ARSG: variants seen among roughly 807,000 people sequenced by gnomAD.
The protein encoded by ARSG is arylsulfatase G.
ARSG carries 37 observed loss-of-function variants against 50.5 expected under a neutral mutation model. That is an observed-to-expected ratio of 0.73 (90% CI 0.56 to 0.96). The LOEUF (loss-of-function observed/expected upper bound fraction) is 0.96. Among genes scored for constraint, ARSG ranks in the 50% least tolerant of loss-of-function variants. The pLI, the probability that ARSG is intolerant of heterozygous loss-of-function variation, is 0.00. For missense variants in ARSG, 629 were observed against 675.3 expected (o/e 0.93, Z 0.76); for synonymous variants, 225 against 254.6 (o/e 0.88, Z 1.11).
At chr17:68,435,583 G>A in the ARSG span, 7 of 1,603,406 alleles carry the variant, frequency 4.4e-6, no homozygotes, top group Non-Finnish European at 6.0e-6. Flanking sequence ...GCCATCCAGC[G>A]AAACCCAGAC....
At chr17:68,268,916 T>TAAAAC (rs200861671) in intron 1 of ARSG, 95 of 1,425,342 alleles carry the variant, frequency 6.7e-5, no homozygotes, top group Middle Eastern at 1.9e-4. Flanking sequence ...AAAAAAAGCT[T>TAAAAC]AAAACAAAAC....
rs1599921881 is a variant in ARSG, at chr17:68,370,628, A to C, written c.982+104A>C. On this transcript the variant is annotated intron_variant, in intron 8 of 11. Transcript: ENST00000621439. Reference sequence around the variant, plus strand: ...GGGGGACAACTTATATCTGGGCCTTAGGGTCATCATTGTGAAACAGGGACA... The same window carrying C: ...GGGGGACAACTTATATCTGGGCCTTCGGGTCATCATTGTGAAACAGGGACA... 3.2e-5 allele frequency: 32 copies of C among 998,250 alleles called. No individual in the cohort carries two copies. The East Asian group carries it at 8.4e-4, about 26-fold the overall frequency. 61.8% of individuals were successfully genotyped at this position (998,250 alleles called of 1,614,324 possible). A position where few individuals can be genotyped will look rare whatever the true frequency, so the allele number is the denominator to read the frequency against.
Position 68,420,318 on chromosome 17 carries a change from T to C in ARSG, c.1433T>C (p.Val478Ala). Residue 478 changes from valine (V) to alanine (A), a missense_variant, in exon 12 of 12, where the codon GTG becomes GCG. Coordinates refer to ENST00000621439, the MANE Select transcript of ARSG (RefSeq NM_001267727.2). Reference sequence around the variant, plus strand: ...AGAGGTGGTGCGGAGTACCAGGCTGTGCTGCCCGAGGTCAGAAAGGTTCTT... The same window carrying C: ...AGAGGTGGTGCGGAGTACCAGGCTGCGCTGCCCGAGGTCAGAAAGGTTCTT... ...LERGGAEYQA[V>A]LPEVRKVLAD... The C allele has an allele frequency of 6.2e-7, 1 of 1,614,150 alleles. No individual in the cohort carries two copies. The highest frequency in any genetic ancestry group is 8.5e-7 in the Non-Finnish European group (1 of 1,180,036).
the ARSG span, among the ~76,000 whole-genome samples, chr17:68,435,942 C>T: frequency 1.3e-5 from 2 of 152,256 alleles, no homozygotes; most frequent in African/African-American, 4.8e-5. Flanking sequence ...GGGAAGGTGG[C>T]CACGAACGGA....
upstream of ARSG, among the ~76,000 whole-genome samples, chr17:68,288,245 C>A (rs1555754850): frequency 6.6e-6 from 1 of 152,062 alleles, no homozygotes; most frequent in African/African-American, 2.4e-5. Flanking sequence ...TGTGATCCGC[C>A]CGCCTCAGCC....
chr17:68,313,635 G>C (rs952832731), intron 2 of ARSG, among the ~76,000 whole-genome samples: 4 of 150,864 alleles, frequency 2.7e-5, no homozygotes. Flanking sequence ...TGAGGGGAAC[G>C]CTGTTCAGTC....
At chr17:68,433,343 G>A in the ARSG span, 39 of 922,844 alleles carry the variant, frequency 4.2e-5, no homozygotes, top group East Asian at 9.9e-4. Context: ...CCATCACTTA[G>A]GTGAAGTCCC....
intron 8 of ARSG, among the ~76,000 whole-genome samples, chr17:68,372,845 G>A (rs985897090): frequency 2.7e-5 from 4 of 149,554 alleles, no homozygotes; most frequent in African/African-American, 4.9e-5. Flanking sequence ...AGCATTGTGC[G>A]CCTCAATTCT....
chr17:68,346,999 CT>C, intron 3 of ARSG, 125 bp from the exon 4 acceptor site: 1 of 1,548,020 alleles, frequency 6.5e-7, no homozygotes, highest in Middle Eastern at 1.7e-4. Context: ...CACATTGCAG[CT>C]TCTTTTGGCT....
the ARSG span, among the ~76,000 whole-genome samples, chr17:68,438,090 A>C: frequency 2.6e-5 from 4 of 152,306 alleles, no homozygotes; most frequent in African/African-American, 9.6e-5. Context: ...AGGAGAGCAA[A>C]GGAAAAAGAA....
intron 5 of ARSG, among the ~76,000 whole-genome samples, chr17:68,352,378 C>T (rs2078839879): frequency 6.6e-6 from 1 of 151,094 alleles, no homozygotes; most frequent in South Asian, 2.1e-4. Context: ...AAGTCATCAA[C>T]GGTAAGATCC....
At chr17:68,331,177 G>GCTTC (rs2077724659) in intron 2 of ARSG, among the ~76,000 whole-genome samples, 1 of 118,930 alleles carries the variant, frequency 8.4e-6, no homozygotes, top group Non-Finnish European at 1.8e-5. Context: ...CAAAGACAGG[G>GCTTC]TTTCTTTCTT....
At chr17:68,371,331 A>AC (rs2079834521) in intron 8 of ARSG, among the ~76,000 whole-genome samples, 4 of 151,740 alleles carry the variant, frequency 2.6e-5, no homozygotes, top group Admixed American at 2.0e-4. Context: ...AAAAAAAAAA[A>AC]AAAAAGAAGG....
At chr17:68,286,001 C>G (rs2075833408) in intron 1 of ARSG, among the ~76,000 whole-genome samples, 1 of 152,140 alleles carries the variant, frequency 6.6e-6, no homozygotes, top group Non-Finnish European at 1.5e-5. Context: ...CCTCGTGATC[C>G]ACCCACCTCG....
chr17:68,311,903 C>A lies in ARSG; in HGVS notation c.218+4192C>A, dbSNP rs1012660233. On this transcript the variant is annotated intron_variant, in intron 2 of 11. Transcript: ENST00000621439. ...GCAACCTCCACCTCCCAGGTTCAAG[C>A]GATTCTCCAGCCTCAGCCTCCCAAG... is the stretch of plus-strand genomic sequence containing the variant. Among the ~76,000 whole-genome samples the A allele has an allele frequency of 7.3e-5, 11 of 150,586 alleles. No individual in the cohort carries two copies. The East Asian group carries it at 1.8e-3, about 24-fold the overall frequency.
At chr17:68,315,378 C>A (rs1394336436) in intron 2 of ARSG, among the ~76,000 whole-genome samples, 1 of 151,880 alleles carries the variant, frequency 6.6e-6, no homozygotes, top group Non-Finnish European at 1.5e-5. Context: ...TTCATCTCTA[C>A]AAAAAAATCA....
chr17:68,270,766 G>A, intron 1 of ARSG: 1 of 1,328,366 alleles, frequency 7.5e-7, no homozygotes, highest in South Asian at 1.5e-5. Flanking sequence ...TTTTTTTTAT[G>A]GCTTGAACAG....
At chr17:68,436,289 A>G in the ARSG span, 7 of 1,152,572 alleles carry the variant, frequency 6.1e-6, no homozygotes, top group African/African-American at 9.1e-5. Flanking sequence ...CACCGCCTCC[A>G]GCCCCCGACG....
intron 5 of ARSG, 124 bp from the exon 6 acceptor site, chr17:68,356,543 A>G: frequency 8.6e-7 from 1 of 1,167,614 alleles, no homozygotes; most frequent in South Asian, 1.5e-5. Context: ...ATGGCCAACC[A>G]GAAAAATCAT....
Sources: gnomAD v4.1 joint callset for allele counts (sites outside exome capture counted in the v4.1 genomes callset) on GRCh38, gnomAD v4.1.1 for gene constraint, MANE v1.5 for transcripts, NCBI Gene and HGNC (gene_info 2026-07-23, HGNC 2026-07-21) for gene names.